DENND1A: variants seen among roughly 807,000 people sequenced by gnomAD.
The protein encoded by DENND1A is DENN domain-containing protein 1A.
DENND1A carries 51 observed loss-of-function variants against 113.7 expected under a neutral mutation model. The observed-to-expected ratio is 0.45, with a 90% CI of 0.36 to 0.57. The LOEUF (loss-of-function observed/expected upper bound fraction) is 0.57, where lower values mean the gene tolerates loss of function less well. DENND1A is among the 20% of genes least tolerant of loss of function. DENND1A has a pLI of 0.00. For missense variants in DENND1A, 1,258 were observed against 1,395.9 expected (o/e 0.90, Z 1.57); for synonymous variants, 565 against 570.8 (o/e 0.99, Z 0.14).
At chr9:123,740,635 G>T (rs1471557307) in intron 5 of DENND1A, among the ~76,000 whole-genome samples, 5 of 151,996 alleles carry the variant, frequency 3.3e-5, no homozygotes, top group African/African-American at 1.2e-4. Context: ...CCTAAATTAG[G>T]TATCTTATAT....
Position 123,623,296 on chromosome 9 carries a change from A to G in DENND1A, c.719+7080T>C, listed in dbSNP as rs529699545. Among the ~76,000 whole-genome samples the G allele has an allele frequency of 2.4e-4, 36 of 152,354 alleles. 1 individual carries two copies. Among genetic ancestry groups the G allele is most frequent in the Middle Eastern group, 6.8e-3 (2 of 294 alleles). ...AAATCCATGTCCCATGTTTATAATA[A>G]TGGTGAAAAAAGCAATCATCATTTA... On this transcript the variant is annotated intron_variant, in intron 10 of 23. Transcript: ENST00000394215.
At chr9:123,466,534 T>C (rs2048964291) in intron 13 of DENND1A, among the ~76,000 whole-genome samples, 1 of 152,186 alleles carries the variant, frequency 6.6e-6, no homozygotes, top group Non-Finnish European at 1.5e-5. Flanking sequence ...TGACCTCAAG[T>C]GATCCACCTG....
intron 13 of DENND1A, among the ~76,000 whole-genome samples, chr9:123,470,711 C>T (rs1434237337): frequency 6.6e-6 from 1 of 152,230 alleles, no homozygotes; most frequent in East Asian, 1.9e-4. Context: ...AACCCCCTAA[C>T]TGAGGAGACA....
At chr9:123,543,649 C>T (rs778630251) in intron 13 of DENND1A, among the ~76,000 whole-genome samples, 2 of 152,198 alleles carry the variant, frequency 1.3e-5, no homozygotes, top group Non-Finnish European at 2.9e-5. Context: ...CTGTCAAGGC[C>T]GCTTGCCTCT....
intron 1 of DENND1A, among the ~76,000 whole-genome samples, chr9:123,925,187 A>G (rs1856888767): frequency 6.6e-6 from 1 of 152,202 alleles, no homozygotes; most frequent in Non-Finnish European, 1.5e-5. Flanking sequence ...AATTCCTGGC[A>G]TTTAAGTGCC....
intron 5 of DENND1A, among the ~76,000 whole-genome samples, chr9:123,733,917 C>T (rs2068371795): frequency 6.6e-6 from 1 of 152,158 alleles, no homozygotes; most frequent in African/African-American, 2.4e-5. Context: ...CCACCTGCCT[C>T]AGCTTCCCAA....
intron 16 of DENND1A, among the ~76,000 whole-genome samples, chr9:123,454,112 C>T (rs1015242542): frequency 8.5e-5 from 13 of 152,170 alleles, no homozygotes; most frequent in Admixed American, 5.2e-4. Context: ...GCTTCGTGCC[C>T]GCCTCCCCAG....
intron 19 of DENND1A, among the ~76,000 whole-genome samples, chr9:123,417,932 G>A (rs977951753): frequency 1.3e-5 from 2 of 151,926 alleles, no homozygotes; most frequent in African/African-American, 4.8e-5. Context: ...GACCCACAGT[G>A]GTCCAATCAG....
At chr9:123,583,357 G>A in intron 11 of DENND1A, 87 bp from the exon 12 acceptor site, 3 of 939,428 alleles carry the variant, frequency 3.2e-6, no homozygotes, top group Non-Finnish European at 4.9e-6. Context: ...AAGAGGCATA[G>A]AGAAGGAAAG....
chr9:123,416,185 A>G (rs1264121460), intron 19 of DENND1A, among the ~76,000 whole-genome samples: 1 of 151,776 alleles, frequency 6.6e-6, no homozygotes, highest in East Asian at 1.9e-4. Flanking sequence ...CTCCCATCTG[A>G]CTCAGCTCTG....
chr9:123,760,323 T>C (rs890107564), intron 4 of DENND1A, among the ~76,000 whole-genome samples: 2 of 152,224 alleles, frequency 1.3e-5, no homozygotes, highest in African/African-American at 4.8e-5. Flanking sequence ...GCCACATAAA[T>C]AATTAAAATT....
intron 5 of DENND1A, among the ~76,000 whole-genome samples, chr9:123,685,716 C>T (rs1467524069): frequency 1.3e-5 from 2 of 152,128 alleles, no homozygotes; most frequent in African/African-American, 4.8e-5. Flanking sequence ...AACATGAGAT[C>T]TTTGGAATAA....
intron 5 of DENND1A, among the ~76,000 whole-genome samples, chr9:123,705,464 C>A (rs992254090): frequency 3.9e-5 from 6 of 151,984 alleles, no homozygotes; most frequent in Admixed American, 3.3e-4. Flanking sequence ...TAATAAACTA[C>A]TAGAATTAGG....
intron 12 of DENND1A, among the ~76,000 whole-genome samples, chr9:123,558,147 T>C (rs1247875076): frequency 6.6e-6 from 1 of 152,216 alleles, no homozygotes; most frequent in East Asian, 1.9e-4. Flanking sequence ...TTAGTTATTT[T>C]AACAATCCGG....
At chr9:123,467,016 A>G (rs993839892) in intron 13 of DENND1A, among the ~76,000 whole-genome samples, 1 of 152,188 alleles carries the variant, frequency 6.6e-6, no homozygotes, top group Non-Finnish European at 1.5e-5. Flanking sequence ...ACACCACTGC[A>G]CTTCAGCCTG....
At chr9:123,553,144 C>G (rs1223334099) in intron 13 of DENND1A, among the ~76,000 whole-genome samples, 1 of 152,138 alleles carries the variant, frequency 6.6e-6, no homozygotes, top group East Asian at 1.9e-4. Context: ...GTAGTCCCAG[C>G]TAGCTGGGAG....
At chr9:123,468,999 C>G (rs1338153581) in intron 13 of DENND1A, among the ~76,000 whole-genome samples, 1 of 152,182 alleles carries the variant, frequency 6.6e-6, no homozygotes, top group Non-Finnish European at 1.5e-5. Flanking sequence ...TCTAATGACC[C>G]CTGAGCCCAC....
intron 13 of DENND1A, among the ~76,000 whole-genome samples, chr9:123,525,419 A>G (rs1003629539): frequency 1.3e-5 from 2 of 152,216 alleles, no homozygotes; most frequent in Non-Finnish European, 2.9e-5. Context: ...AAACATGCTA[A>G]CCATCAAAAC....
intron 6 of DENND1A, among the ~76,000 whole-genome samples, chr9:123,674,342 TCACACACACACACACACACACACA>T (rs546398875): frequency 1.4e-4 from 18 of 132,300 alleles, no homozygotes; most frequent in African/African-American, 4.0e-4. Flanking sequence ...TGTCTCTCTC[TCACACACACACACACACACACACA>T]CACACACACA....
Sources: gnomAD v4.1 joint callset for allele counts (sites outside exome capture counted in the v4.1 genomes callset) on GRCh38, gnomAD v4.1.1 for gene constraint, MANE v1.5 for transcripts, NCBI Gene and HGNC (gene_info 2026-07-23, HGNC 2026-07-21) for gene names.